Variants in IL13RA1 observed in about 807,000 individuals in gnomAD.
IL13RA1 encodes the protein interleukin-13 receptor subunit alpha-1.
A neutral mutation model predicts 33.8 loss-of-function variants in IL13RA1; 14 were observed. The ratio of observed to expected loss-of-function variants is 0.41; its 90% CI spans 0.27 to 0.65. The LOEUF is 0.65. Ranked by LOEUF, IL13RA1 falls within the 30% of genes least tolerant of loss-of-function variation. The pLI is 0.28. For missense variants in IL13RA1, 313 were observed against 327.0 expected, an observed-to-expected ratio of 0.96 and a Z score of 0.33; for synonymous variants, 116 against 115.7, an observed-to-expected ratio of 1.00 and a Z score of -0.02.
Position 118,738,781 on chromosome X carries a change from CTTTTTTTTTTT to C in IL13RA1, c.89-2222_89-2212del, listed in dbSNP as rs144796443. Among the ~76,000 whole-genome samples the C allele has an allele frequency of 5.0e-5, 3 of 60,242 alleles. No homozygotes were observed. In the Admixed American group the frequency reaches 7.3e-4, roughly 15 times the overall value. 52.3% of individuals were successfully genotyped at this position (60,242 alleles called of 115,157 possible). On this transcript the variant is annotated intron_variant, in intron 1 of 10. Coordinates refer to ENST00000371666, the MANE Select transcript of IL13RA1 (RefSeq NM_001560.3). Reference sequence around the variant, plus strand: ...TTGAATGGTAGTTCTATTTTAAGTCCTTTTTTTTTTTTTTTTTTTTTTTTGAGACATAGTCT... The same window carrying C: ...TTGAATGGTAGTTCTATTTTAAGTCCTTTTTTTTTTTTTGAGACATAGTCT...
intron 10 of IL13RA1, among the ~76,000 whole-genome samples, chrX:118,787,681 A>T (rs1403550862): frequency 8.9e-6 from 1 of 111,769 alleles, no homozygotes; most frequent in East Asian, 2.8e-4. Context: ...CTGGGAATGC[A>T]TTCTTTTCCC....
chrX:118,795,227 A>AAAAAAAAAAAAAAAT, downstream of IL13RA1, among the ~76,000 whole-genome samples: 1 of 95,006 alleles, frequency 1.1e-5, no homozygotes, highest in African/African-American at 4.8e-5. Context: ...AAAAAAAAAA[A>AAAAAAAAAAAAAAAT]AAAGAAAAAG....
chrX:118,748,005 TTGTGTGTGTGTGTGTGTG>T (rs61230421), intron 3 of IL13RA1, among the ~76,000 whole-genome samples: 12 of 88,856 alleles, frequency 1.4e-4, no homozygotes, highest in African/African-American at 4.6e-4. Flanking sequence ...AGAGTGAATG[TTGTGTGTGTGTGTGTGTG>T]TGTGTGTGTG....
At chrX:118,734,174 A>T (rs1286359400) in intron 1 of IL13RA1, among the ~76,000 whole-genome samples, 1 of 112,296 alleles carries the variant, frequency 8.9e-6, no homozygotes, top group Non-Finnish European at 1.9e-5. Context: ...TTTGATAAGG[A>T]TTGAATTGAA....
chrX:118,757,405 C>G (rs1381864175), intron 4 of IL13RA1, among the ~76,000 whole-genome samples: 1 of 107,223 alleles, frequency 9.3e-6, no homozygotes, highest in East Asian at 3.0e-4. Context: ...TAGTGTGTGC[C>G]TGTAATCCCA....
rs775817615 is a variant in IL13RA1 at position 118,769,134 on chromosome X, TTAGTC to T, written c.1009+2162_1009+2166del. Among the ~76,000 whole-genome samples, 58 of 112,193 alleles carry T rather than the reference TTAGTC, an allele frequency of 5.2e-4. 2 individuals carry two copies. In the South Asian group the frequency reaches 0.016, roughly 31 times the overall value. ...GTTCTGTTTTTTAGAAGTGAGTCAA[TTAGTC>T]TAGCCCATGCTCAAGGAGAGGGGAT... is the stretch of plus-strand genomic sequence containing the variant. On this transcript the variant is annotated intron_variant, in intron 8 of 10. Coordinates refer to ENST00000371666, the MANE Select transcript of IL13RA1 (RefSeq NM_001560.3).
chrX:118,754,357 G>A (rs777478574), intron 4 of IL13RA1, among the ~76,000 whole-genome samples: 1 of 111,488 alleles, frequency 9.0e-6, no homozygotes, highest in Non-Finnish European at 1.9e-5. Flanking sequence ...ATTACTATTG[G>A]CCAGGCGTGG....
chrX:118,734,625 G>A (rs2017261022), intron 1 of IL13RA1, among the ~76,000 whole-genome samples: 1 of 112,103 alleles, frequency 8.9e-6, no homozygotes. Context: ...CATTGATCAA[G>A]TTTTGTATGT....
intron 8 of IL13RA1, among the ~76,000 whole-genome samples, chrX:118,767,789 G>C (rs2147387540): frequency 9.0e-6 from 1 of 111,446 alleles, no homozygotes; most frequent in African/African-American, 3.3e-5. Flanking sequence ...AGTGCAATGT[G>C]ACTCAACATT....
At chrX:118,761,928 G>T (rs749726572) in intron 6 of IL13RA1, among the ~76,000 whole-genome samples, 11 of 112,187 alleles carry the variant, frequency 9.8e-5, no homozygotes, top group Non-Finnish European at 2.1e-4. Context: ...TGAACAAAAT[G>T]TAGCAGGAAA....
chrX:118,776,997 G>GTATATATA (rs34840439), intron 10 of IL13RA1, among the ~76,000 whole-genome samples: 1 of 97,333 alleles, frequency 1.0e-5, no homozygotes, highest in African/African-American at 3.8e-5. Context: ...ATGTGTGTGT[G>GTATATATA]TATATATATA....
chrX:118,754,952 CTT>C (rs1250580807), intron 4 of IL13RA1, among the ~76,000 whole-genome samples: 4 of 78,806 alleles, frequency 5.1e-5, no homozygotes, highest in Non-Finnish European at 7.5e-5. Context: ...TTTTTTTTTT[CTT>C]TTTTTTTTTT....
At chrX:118,769,544 A>G (rs1480562564) in intron 8 of IL13RA1, among the ~76,000 whole-genome samples, 1 of 113,028 alleles carries the variant, frequency 8.8e-6, no homozygotes, top group East Asian at 2.8e-4. Flanking sequence ...TTATTTAAGA[A>G]TAATAGTAGT....
intron 1 of IL13RA1, among the ~76,000 whole-genome samples, chrX:118,738,645 C>T (rs910838661): frequency 9.9e-5 from 11 of 111,256 alleles, no homozygotes; most frequent in African/African-American, 2.9e-4. Flanking sequence ...AGGTTAGTTC[C>T]GTGTCCTTGC....
In IL13RA1 at chrX:118,748,361, G is replaced by GGAAAA. The variant is rs1556363018; in HGVS notation, c.367+1269_367+1270insGAAAA. Among the ~76,000 whole-genome samples, 3 of 51,024 alleles carry GGAAAA rather than the reference G, an allele frequency of 5.9e-5. 1 individual carries two copies. The highest frequency in any genetic ancestry group is 2.1e-4 in the Admixed American group (1 of 4,809). 44.3% of individuals were successfully genotyped at this position (51,024 alleles called of 115,157 possible). A position where few individuals can be genotyped will look rare whatever the true frequency, so the allele number is the denominator to read the frequency against. ...TATTCTCCTTTCCTTAGGAGTTAAC[G>GGAAAA]AAAAAAAAAAAAAAAAAAACGGCTA... On this transcript the variant is annotated intron_variant, in intron 3 of 10. Transcript: ENST00000371666.
At chrX:118,740,863 T>C (rs1315661933) in intron 1 of IL13RA1, among the ~76,000 whole-genome samples, 154 bp from the exon 2 acceptor site, 1 of 112,689 alleles carries the variant, frequency 8.9e-6, no homozygotes, top group Non-Finnish European at 1.9e-5. Context: ...TGGATTAATA[T>C]GTGTGGAATA....
intron 8 of IL13RA1, among the ~76,000 whole-genome samples, chrX:118,773,086 C>T (rs2017742504): frequency 8.9e-6 from 1 of 112,400 alleles, no homozygotes; most frequent in South Asian, 3.6e-4. Context: ...TTTGAGCTCA[C>T]TAGCCCAGCC....
intron 1 of IL13RA1, among the ~76,000 whole-genome samples, chrX:118,737,413 C>G (rs923656507): frequency 1.8e-5 from 2 of 112,634 alleles, no homozygotes; most frequent in Admixed American, 9.4e-5. Context: ...CAAACAGACT[C>G]TGCCACTACC....
chrX:118,776,416 T>C lies in IL13RA1; in HGVS notation c.1107-11T>C, dbSNP rs1215602031. On this transcript the variant is annotated splice_polypyrimidine_tract_variant and intron_variant, in intron 9 of 10. Transcript: ENST00000371666. Reference sequence around the variant, plus strand: ...GGAAGGTTTGAATCAAATGTCTCTGTTTTCTTAAAGGCTCAAGATTATTAT... The same window carrying C: ...GGAAGGTTTGAATCAAATGTCTCTGCTTTCTTAAAGGCTCAAGATTATTAT... 1 of 833,274 alleles carries C rather than the reference T, an allele frequency of 1.2e-6. No homozygotes were observed. Among genetic ancestry groups the C allele is most frequent in the Non-Finnish European group, 1.8e-6 (1 of 556,634 alleles). The allele number at this position is 833,274 out of a possible 1,213,427, so 68.7% of individuals were successfully genotyped here. A position where few individuals can be genotyped will look rare whatever the true frequency, so the allele number is the denominator to read the frequency against.
Sources: allele counts gnomAD v4.1 joint callset (sites outside exome capture counted in the v4.1 genomes callset), GRCh38; gene constraint gnomAD v4.1.1; transcripts MANE v1.5; gene names NCBI Gene and HGNC (gene_info 2026-07-23, HGNC 2026-07-21).